PARM1: variants seen among roughly 807,000 people sequenced by gnomAD.
PARM1 encodes prostate androgen-regulated mucin-like protein 1, also known as WSC4, cell wall integrity and stress response component 4 homolog.
In PARM1, 14 loss-of-function variants were observed where a neutral mutation model predicts 24.6. The observed-to-expected ratio is 0.57, with a 90% CI of 0.38 to 0.89. The LOEUF (loss-of-function observed/expected upper bound fraction) is 0.89. PARM1 is among the 40% of genes least tolerant of loss of function. PARM1 has a pLI of 0.00. For missense variants in PARM1, 362 were observed against 380.4 expected (o/e 0.95, Z 0.40); for synonymous variants, 179 against 156.6 (o/e 1.14, Z -1.07).
At chr4:75,018,651 C>T (rs989653120) in intron 2 of PARM1, among the ~76,000 whole-genome samples, 1 of 152,146 alleles carries the variant, frequency 6.6e-6, no homozygotes, top group Non-Finnish European at 1.5e-5. Flanking sequence ...ACATGAGGTT[C>T]ATGGTCGTAT....
chr4:74,958,979 T>C (rs1721705076), intron 1 of PARM1, among the ~76,000 whole-genome samples: 1 of 152,216 alleles, frequency 6.6e-6, no homozygotes, highest in Non-Finnish European at 1.5e-5. Context: ...GAAAAAGATC[T>C]AGAATAGGGC....
At chr4:75,016,512 G>A (rs72860992) in intron 2 of PARM1, among the ~76,000 whole-genome samples, 1 of 152,050 alleles carries the variant, frequency 6.6e-6, no homozygotes, top group African/African-American at 2.4e-5. Context: ...CATCACCCAG[G>A]TAGTGATCAC....
chr4:74,983,392 G>A (rs972752048), intron 1 of PARM1, among the ~76,000 whole-genome samples: 1 of 152,132 alleles, frequency 6.6e-6, no homozygotes, highest in Admixed American at 6.5e-5. Context: ...CATCATTCTT[G>A]CATCTGTGGA....
intron 1 of PARM1, among the ~76,000 whole-genome samples, chr4:74,946,828 C>T (rs944047563): frequency 1.5e-4 from 23 of 152,256 alleles, no homozygotes; most frequent in African/African-American, 5.1e-4. Context: ...ATACAAAATT[C>T]GTTGACCTTC....
chr4:74,936,611 A>G lies in PARM1; in HGVS notation c.43+3241A>G, dbSNP rs530163563. Among the ~76,000 whole-genome samples, 18 of 149,204 alleles carry G rather than the reference A, an allele frequency of 1.2e-4. No homozygotes were observed. The East Asian group carries it at 2.4e-3, about 20-fold the overall frequency. Reference sequence around the variant, plus strand: ...TGGGACTACAGGCGCCCGCCACCACACCCGTCTAATTTTTTTTGTATTTTT... The same window carrying G: ...TGGGACTACAGGCGCCCGCCACCACGCCCGTCTAATTTTTTTTGTATTTTT... On this transcript the variant is annotated intron_variant, in intron 1 of 3. Transcript: ENST00000307428.
chr4:74,996,555 C>A (rs1249496550), intron 1 of PARM1, among the ~76,000 whole-genome samples: 1 of 151,978 alleles, frequency 6.6e-6, no homozygotes, highest in African/African-American at 2.4e-5. Flanking sequence ...AAATGTCATC[C>A]AAGAAGAAAT....
At position 74,981,996 on chromosome 4, in the gene PARM1, T is replaced by C. The variant is rs150915924; in HGVS notation, c.44-30429T>C. Among the ~76,000 whole-genome samples, 15 of 151,860 alleles carry C rather than the reference T, an allele frequency of 9.9e-5. No homozygotes were observed. The East Asian group carries it at 2.7e-3, about 28-fold the overall frequency. On this transcript the variant is annotated intron_variant, in intron 1 of 3. Coordinates refer to ENST00000307428, the MANE Select transcript of PARM1 (RefSeq NM_015393.4). ...TTCTGTTATAAGATACCCGCACTCATATGTTCATTGCAGCACTACTCACAA... is the reference window on the plus strand; with the variant it reads ...TTCTGTTATAAGATACCCGCACTCACATGTTCATTGCAGCACTACTCACAA...
chr4:74,952,449 C>A (rs1348281483), intron 1 of PARM1, among the ~76,000 whole-genome samples: 2 of 152,274 alleles, frequency 1.3e-5, no homozygotes, highest in Non-Finnish European at 2.9e-5. Flanking sequence ...TTATTTATAT[C>A]CCATTGGTCA....
intron 1 of PARM1, among the ~76,000 whole-genome samples, chr4:74,978,361 A>AC (rs1366644691): frequency 1.3e-5 from 2 of 152,204 alleles, no homozygotes; most frequent in Non-Finnish European, 2.9e-5. Flanking sequence ...AGATAAAAAA[A>AC]TACAAAGAAG....
intron 1 of PARM1, among the ~76,000 whole-genome samples, chr4:74,984,929 A>C (rs1266567990): frequency 6.6e-6 from 1 of 152,202 alleles, no homozygotes; most frequent in Non-Finnish European, 1.5e-5. Flanking sequence ...AAGTTTGCCA[A>C]CCCTCATCAC....
intron 1 of PARM1, among the ~76,000 whole-genome samples, chr4:74,989,720 G>T (rs1404286607): frequency 1.3e-5 from 2 of 152,038 alleles, no homozygotes. Context: ...ATCCTGCCTT[G>T]GTCTTTTGGT....
In PARM1 at chr4:75,013,124, A is replaced by T. The variant is rs1722913828; in HGVS notation, c.743A>T (p.Gln248Leu). Residue 248 changes from glutamine to leucine, a missense_variant, in exon 2 of 4, where the codon CAG (glutamine) becomes CTG (leucine). Coordinates refer to ENST00000307428, the MANE Select transcript of PARM1 (RefSeq NM_015393.4). ...TTTTFPRVIM[Q>L]EVEHALSSGS... ...ACCACCTTTCCCAGGGTGATCATGCAGGAAGTAGAACATGCATTAAGTTCA... is the reference window on the plus strand; with the variant it reads ...ACCACCTTTCCCAGGGTGATCATGCTGGAAGTAGAACATGCATTAAGTTCA... 1 of 1,613,424 alleles carries T rather than the reference A, an allele frequency of 6.2e-7. No homozygotes were observed. The highest frequency in any genetic ancestry group is 8.5e-7 in the Non-Finnish European group (1 of 1,179,714).
chr4:75,029,210 C>G (rs1290194064), intron 2 of PARM1, among the ~76,000 whole-genome samples: 1 of 152,156 alleles, frequency 6.6e-6, no homozygotes, highest in Non-Finnish European at 1.5e-5. Context: ...AAGGAATACC[C>G]CCAAAGGCAG....
chr4:74,990,962 C>T (rs375716760), intron 1 of PARM1, among the ~76,000 whole-genome samples: 1 of 152,092 alleles, frequency 6.6e-6, no homozygotes, highest in African/African-American at 2.4e-5. Context: ...AGAGAAAGAC[C>T]AAAAGGATGC....
At chr4:74,963,463 A>T (rs1376976541) in intron 1 of PARM1, among the ~76,000 whole-genome samples, 2 of 152,226 alleles carry the variant, frequency 1.3e-5, no homozygotes, top group Non-Finnish European at 2.9e-5. Context: ...GTGAAATATT[A>T]TTTAATCATG....
chr4:74,976,703 A>G (rs2109769063), intron 1 of PARM1, among the ~76,000 whole-genome samples: 1 of 152,334 alleles, frequency 6.6e-6, no homozygotes, highest in East Asian at 1.9e-4. Flanking sequence ...TCCTGCTGGC[A>G]TCAGATGGCT....
chr4:74,970,670 A>G (rs1722012779), intron 1 of PARM1, among the ~76,000 whole-genome samples: 1 of 152,036 alleles, frequency 6.6e-6, no homozygotes, highest in African/African-American at 2.4e-5. Context: ...AAATCCAGAG[A>G]CCCTCTCTTA....
chr4:75,013,123 C>T lies in PARM1; in HGVS notation c.742C>T (p.Gln248Ter), dbSNP rs1372650748. 6.2e-7 allele frequency: 1 copy of T among 1,613,454 alleles called. No individual in the cohort carries two copies. The highest frequency in any genetic ancestry group is 1.1e-5 in the South Asian group (1 of 91,022). ...TTTTFPRVIM[Q>*]EVEHALSSGS... ...CACCACCTTTCCCAGGGTGATCATG[C>T]AGGAAGTAGAACATGCATTAAGTTC... is the stretch of plus-strand genomic sequence containing the variant. Residue 248 changes from glutamine to a stop codon, truncating the protein, a stop_gained, in exon 2 of 4, where the codon CAG becomes TAG. Coordinates refer to ENST00000307428, the MANE Select transcript of PARM1 (RefSeq NM_015393.4). LOFTEE classifies it high-confidence loss of function.
At chr4:75,021,575 C>T (rs952660391) in intron 2 of PARM1, among the ~76,000 whole-genome samples, 2 of 150,724 alleles carry the variant, frequency 1.3e-5, no homozygotes, top group African/African-American at 2.5e-5. Context: ...AAGCATAGTG[C>T]GCTATAGTTA....
Sources: gnomAD v4.1 joint callset for allele counts (sites outside exome capture counted in the v4.1 genomes callset) on GRCh38, gnomAD v4.1.1 for gene constraint, MANE v1.5 for transcripts, NCBI Gene and HGNC (gene_info 2026-07-23, HGNC 2026-07-21) for gene names.